Variants in EYS observed in about 807,000 individuals in gnomAD.
EYS encodes the protein EGF-like photoreceptor maintenance factor, also known as protein eyes shut homolog.
Under a neutral mutation model 282.1 loss-of-function variants are expected in EYS, and 250 were observed. That is an observed-to-expected ratio of 0.89 (90% CI 0.80 to 0.98). EYS has a LOEUF of 0.98. EYS is among the 50% of genes least tolerant of loss of function. EYS has a pLI of 0.00. For missense variants in EYS, 4,016 were observed against 3,709.0 expected, an observed-to-expected ratio of 1.08 and a Z score of -2.15; for synonymous variants, 1,355 against 1,282.9, an observed-to-expected ratio of 1.06 and a Z score of -1.20.
At chr6:65,129,064 G>T (rs150692754) in intron 12 of EYS, among the ~76,000 whole-genome samples, 265 of 152,036 alleles carry the variant, frequency 1.7e-3, no homozygotes, top group South Asian at 7.7e-3. Flanking sequence ...ATGAGGAGAA[G>T]ACTCCATATT....
At chr6:63,893,938 A>C (rs1773469704) in intron 35 of EYS, among the ~76,000 whole-genome samples, 1 of 152,132 alleles carries the variant, frequency 6.6e-6, no homozygotes, top group African/African-American at 2.4e-5. Flanking sequence ...GATCTTTAAA[A>C]AGTGGTGAGA....
intron 2 of EYS, among the ~76,000 whole-genome samples, chr6:65,633,177 G>A (rs938728069): frequency 6.6e-6 from 1 of 152,032 alleles, no homozygotes. Flanking sequence ...TTTGACTTTT[G>A]TATATCTAAT....
chr6:64,783,275 A>C (rs1372579368), intron 22 of EYS, among the ~76,000 whole-genome samples: 2 of 151,888 alleles, frequency 1.3e-5, no homozygotes, highest in Admixed American at 6.6e-5. Flanking sequence ...TTATGAACTA[A>C]ACCTTATCCT....
intron 22 of EYS, among the ~76,000 whole-genome samples, chr6:64,810,179 A>G (rs1764550527): frequency 6.6e-6 from 1 of 152,082 alleles, no homozygotes. Flanking sequence ...GAAACGTATG[A>G]CACCACATAT....
intron 19 of EYS, among the ~76,000 whole-genome samples, chr6:64,881,347 CA>C (rs1388226819): frequency 6.6e-6 from 1 of 151,826 alleles, no homozygotes; most frequent in Admixed American, 6.6e-5. Context: ...TGTTGTATAA[CA>C]GATTCACTGT....
At chr6:64,137,926 AT>A (rs1475907578) in intron 31 of EYS, among the ~76,000 whole-genome samples, 2 of 152,208 alleles carry the variant, frequency 1.3e-5, no homozygotes, top group African/African-American at 4.8e-5. Flanking sequence ...AAACAAAAAA[AT>A]AACAAAACTC....
At chr6:65,432,191 G>T (rs73741578) in intron 5 of EYS, among the ~76,000 whole-genome samples, 1,667 of 152,182 alleles carry the variant, frequency 0.011, 33 homozygotes, top group African/African-American at 0.038. Flanking sequence ...AGTCAGGATT[G>T]CAATAGCTGT....
intron 33 of EYS, among the ~76,000 whole-genome samples, chr6:64,023,915 CA>C (rs1479141153): frequency 1.3e-5 from 2 of 152,234 alleles, no homozygotes; most frequent in Non-Finnish European, 1.5e-5. Context: ...AGGGGCTTAG[CA>C]CCTGGGCCAG....
intron 31 of EYS, among the ~76,000 whole-genome samples, chr6:64,194,612 A>G (rs1321034185): frequency 1.3e-5 from 2 of 152,158 alleles, no homozygotes; most frequent in African/African-American, 4.8e-5. Context: ...CATTTTAGTC[A>G]GAAAACATGA....
chr6:65,045,398 C>T (rs1773072166), intron 13 of EYS, among the ~76,000 whole-genome samples: 4 of 151,792 alleles, frequency 2.6e-5, no homozygotes, highest in Admixed American at 6.6e-5. Flanking sequence ...ACTCCACAGC[C>T]CCGAATTTTT....
intron 12 of EYS, among the ~76,000 whole-genome samples, chr6:65,078,648 A>G (rs1278891326): frequency 6.6e-6 from 1 of 152,140 alleles, no homozygotes; most frequent in African/African-American, 2.4e-5. Flanking sequence ...TAATTGGTAT[A>G]GATAATAAAT....
At chr6:65,699,561 A>G (rs1769582194) in intron 1 of EYS, among the ~76,000 whole-genome samples, 1 of 152,198 alleles carries the variant, frequency 6.6e-6, no homozygotes, top group South Asian at 2.1e-4. Flanking sequence ...ATGAACATGT[A>G]TAGTAGCTGC....
intron 28 of EYS, among the ~76,000 whole-genome samples, chr6:64,396,588 G>T (rs767200556): frequency 2.6e-5 from 4 of 151,426 alleles, no homozygotes; most frequent in Non-Finnish European, 5.9e-5. Context: ...CCTGAGATTG[G>T]TTTTTATATA....
At chr6:64,317,947 A>G (rs4360112) in intron 29 of EYS, among the ~76,000 whole-genome samples, 88,052 of 151,878 alleles carry the variant, frequency 0.58, 26,682 homozygotes, top group Non-Finnish European at 0.67. Context: ...CAAACACTGT[A>G]TGTCCTCACT....
intron 5 of EYS, among the ~76,000 whole-genome samples, chr6:65,409,885 G>A (rs759846212): frequency 5.3e-5 from 8 of 151,954 alleles, no homozygotes; most frequent in Non-Finnish European, 1.2e-4. Flanking sequence ...CATAAAGGCA[G>A]TATAAAATGT....
At chr6:65,494,597 T>G in intron 4 of EYS, 66 bp downstream of exon 4, 1 of 1,387,850 alleles carries the variant, frequency 7.2e-7, no homozygotes, top group Non-Finnish European at 9.9e-7. Context: ...TTGATTTCTG[T>G]TAACAGTTTA....
At chr6:64,178,179 A>G (rs1001924609) in intron 31 of EYS, among the ~76,000 whole-genome samples, 1 of 152,126 alleles carries the variant, frequency 6.6e-6, no homozygotes, top group African/African-American at 2.4e-5. Flanking sequence ...ATGTTTTACT[A>G]GAAAGCCCAT....
At chr6:64,896,060 C>A (rs1230228787) in intron 18 of EYS, among the ~76,000 whole-genome samples, 1 of 151,926 alleles carries the variant, frequency 6.6e-6, no homozygotes, top group African/African-American at 2.4e-5. Context: ...ATACAACTAA[C>A]AAAGATATTT....
chr6:65,352,566 A>G (rs1318708479), intron 9 of EYS, among the ~76,000 whole-genome samples: 1 of 151,936 alleles, frequency 6.6e-6, no homozygotes, highest in African/African-American at 2.4e-5. Context: ...ATTTCATTTC[A>G]AGTGTGTAAG....
Sources: gnomAD v4.1 joint callset for allele counts (sites outside exome capture counted in the v4.1 genomes callset) on GRCh38, gnomAD v4.1.1 for gene constraint, MANE v1.5 for transcripts, NCBI Gene and HGNC (gene_info 2026-07-23, HGNC 2026-07-21) for gene names.